The following GLIPR1L2 variants were observed in gnomAD, a reference collection of about 807,000 sequenced individuals.
The protein encoded by GLIPR1L2 is GLIPR1 like 2.
In GLIPR1L2, 21 loss-of-function variants were observed where a neutral mutation model predicts 28.4. The observed-to-expected ratio is 0.74, with a 90% CI of 0.52 to 1.06. GLIPR1L2 has a LOEUF of 1.06. Among genes scored for constraint, GLIPR1L2 ranks in the 50% least tolerant of loss-of-function variants. The pLI is 0.00. For missense variants in GLIPR1L2, 476 were observed against 416.9 expected (o/e 1.14, Z -1.23); for synonymous variants, 145 against 139.3 (o/e 1.04, Z -0.29).
At chr12:75,404,020 G>A (rs1038020758) in intron 1 of GLIPR1L2, among the ~76,000 whole-genome samples, 10 of 152,096 alleles carry the variant, frequency 6.6e-5, no homozygotes, top group Non-Finnish European at 1.0e-4. Flanking sequence ...AGCCTTAAAG[G>A]CTTTTCCATA....
intron 1 of GLIPR1L2, chr12:75,403,087 C>T (rs1466451003): frequency 2.2e-5 from 10 of 457,072 alleles, no homozygotes; most frequent in Non-Finnish European, 2.6e-5. Flanking sequence ...CCCAGGACTC[C>T]AAGTGCACCC....
At chr12:75,414,364 A>T (rs2045903717) in intron 3 of GLIPR1L2, among the ~76,000 whole-genome samples, 1 of 152,058 alleles carries the variant, frequency 6.6e-6, no homozygotes, top group South Asian at 2.1e-4. Flanking sequence ...CTTCCAAATA[A>T]GTTAGAAAAT....
At chr12:75,416,778 T>G (rs1227738435) in intron 3 of GLIPR1L2, among the ~76,000 whole-genome samples, 1 of 152,120 alleles carries the variant, frequency 6.6e-6, no homozygotes, top group African/African-American at 2.4e-5. Context: ...TTGCACAAGC[T>G]TCTTTGTCTT....
intron 1 of GLIPR1L2, among the ~76,000 whole-genome samples, chr12:75,405,008 T>C (rs1228741029): frequency 6.6e-6 from 1 of 152,192 alleles, no homozygotes; most frequent in Non-Finnish European, 1.5e-5. Context: ...CTATAAAAGC[T>C]AGTGAGATGG....
At chr12:75,411,266 C>T (rs934146822) in intron 2 of GLIPR1L2, among the ~76,000 whole-genome samples, 2 of 151,736 alleles carry the variant, frequency 1.3e-5, no homozygotes, top group Non-Finnish European at 3.0e-5. Flanking sequence ...CCTTTTCATC[C>T]ATATATTCTC....
At chr12:75,423,258 T>C in intron 4 of GLIPR1L2, 2 of 1,260,852 alleles carry the variant, frequency 1.6e-6, no homozygotes, top group Non-Finnish European at 2.0e-6. Flanking sequence ...GTTATACCCT[T>C]AAAAAGCTTC....
At chr12:75,428,454 G>A (rs578091393) in intron 4 of GLIPR1L2, among the ~76,000 whole-genome samples, 10 of 152,206 alleles carry the variant, frequency 6.6e-5, no homozygotes, top group South Asian at 4.1e-4. Flanking sequence ...TAAAACCTAC[G>A]TTTAAAAGGG....
rs949700760 is a variant in GLIPR1L2 at position 75,431,726 on chromosome 12, CTT to C, written c.*566_*567del. The C allele has an allele frequency of 6.6e-6, 1 of 151,914 alleles. No homozygotes were observed. The highest frequency in any genetic ancestry group is 2.4e-5 in the African/African-American group (1 of 41,374). The allele number at this position is 151,914 out of a possible 1,614,324, so 9.4% of individuals were successfully genotyped here. A position where few individuals can be genotyped will look rare whatever the true frequency, so the allele number is the denominator to read the frequency against. On this transcript the variant is annotated 3_prime_UTR_variant, in exon 6 of 6. Coordinates refer to ENST00000550916, the MANE Select transcript of GLIPR1L2 (RefSeq NM_001270396.2). The stretch of plus-strand genomic sequence containing the variant: ...CCTGTACATCCTGCTAGGATGCAAA[CTT>C]ATTATTTATAATTAATGTTCAATAT...
At position 75,391,112 on chromosome 12, in the gene GLIPR1L2, G is replaced by T; in HGVS notation, c.-5G>T. On this transcript the variant is annotated 5_prime_UTR_variant, in exon 1 of 6. Coordinates refer to ENST00000550916, the MANE Select transcript of GLIPR1L2 (RefSeq NM_001270396.2). Reference sequence around the variant, plus strand: ...GCGCACTGGCCTGTCAGCGGCCGGTGGACCATGGAGGCCGCAAGGCCCTTC... The same window carrying T: ...GCGCACTGGCCTGTCAGCGGCCGGTTGACCATGGAGGCCGCAAGGCCCTTC... 1 of 1,605,850 alleles carries T rather than the reference G, an allele frequency of 6.2e-7. No homozygotes were observed. The highest frequency in any genetic ancestry group is 8.5e-7 in the Non-Finnish European group (1 of 1,173,694).
At chr12:75,407,859 G>A (rs2045820206) in intron 1 of GLIPR1L2, among the ~76,000 whole-genome samples, 1 of 151,980 alleles carries the variant, frequency 6.6e-6, no homozygotes, top group African/African-American at 2.4e-5. Context: ...TAATATCTTA[G>A]TAGTTCCCTC....
At chr12:75,409,212 A>G (rs2045836350) in intron 1 of GLIPR1L2, among the ~76,000 whole-genome samples, 1 of 152,082 alleles carries the variant, frequency 6.6e-6, no homozygotes, top group East Asian at 1.9e-4. Context: ...TCCAATGTGG[A>G]CCAGGGAAGC....
chr12:75,431,344 A>G lies in GLIPR1L2; in HGVS notation c.*183A>G. The G allele has an allele frequency of 2.1e-6, 1 of 471,028 alleles. No individual in the cohort carries two copies. The highest frequency in any genetic ancestry group is 4.8e-5 in the South Asian group (1 of 20,758). The allele number at this position is 471,028 out of a possible 1,614,324, so 29.2% of individuals were successfully genotyped here. A position where few individuals can be genotyped will look rare whatever the true frequency, so the allele number is the denominator to read the frequency against. On this transcript the variant is annotated 3_prime_UTR_variant, in exon 6 of 6. Transcript: ENST00000550916. The stretch of plus-strand genomic sequence containing the variant: ...CTTATTCAATCAATTTAAATTTGTA[A>G]AACAAAGAAACAAAAAACATGTAAG...
chr12:75,429,529 G>A (rs2046068969), intron 4 of GLIPR1L2, among the ~76,000 whole-genome samples: 1 of 152,182 alleles, frequency 6.6e-6, no homozygotes, highest in Non-Finnish European at 1.5e-5. Context: ...ATGCTGGAAT[G>A]AGTTTAGACT....
At chr12:75,412,321 C>T (rs1338173077) in intron 2 of GLIPR1L2, among the ~76,000 whole-genome samples, 1 of 151,788 alleles carries the variant, frequency 6.6e-6, no homozygotes, top group African/African-American at 2.4e-5. Context: ...TCAAACAGTT[C>T]TTACAAGCTA....
intron 1 of GLIPR1L2, among the ~76,000 whole-genome samples, chr12:75,409,095 T>C (rs2045834691): frequency 6.6e-6 from 1 of 152,012 alleles, no homozygotes; most frequent in Admixed American, 6.6e-5. Flanking sequence ...CACACATTTG[T>C]AAACTTTCTT....
Position 75,410,636 on chromosome 12 carries a change from T to C in GLIPR1L2, c.437T>C (p.Phe146Ser), listed in dbSNP as rs768586832. ...SWHAEKKMYN[F>S]ENGSCSGDCS... Reference sequence around the variant, plus strand: ...CATGCAGAGAAGAAAATGTACAATTTTGAAAATGGCAGTTGCTCTGGAGAC... The same window carrying C: ...CATGCAGAGAAGAAAATGTACAATTCTGAAAATGGCAGTTGCTCTGGAGAC... Residue 146 changes from phenylalanine (F) to serine (S), a missense_variant, in exon 2 of 6, where the codon TTT becomes TCT. Coordinates refer to ENST00000550916, the MANE Select transcript of GLIPR1L2 (RefSeq NM_001270396.2). The C allele has an allele frequency of 6.2e-7, 1 of 1,611,372 alleles. No individual in the cohort carries two copies. The highest frequency in any genetic ancestry group is 8.5e-7 in the Non-Finnish European group (1 of 1,178,230).
chr12:75,422,492 C>A (rs534733114), intron 3 of GLIPR1L2, among the ~76,000 whole-genome samples: 2 of 152,174 alleles, frequency 1.3e-5, no homozygotes, highest in African/African-American at 4.8e-5. Flanking sequence ...TTGGTAGAGA[C>A]AGGGTTTCAC....
chr12:75,422,849 C>A, intron 3 of GLIPR1L2, 55 bp from the exon 4 acceptor site: 1 of 1,387,580 alleles, frequency 7.2e-7, no homozygotes, highest in Non-Finnish European at 1.0e-6. Context: ...ATTTAAATTA[C>A]ATGTAAAAAT....
Position 75,431,726 on chromosome 12 carries a change from CTTATTAT to C in GLIPR1L2, c.*570_*576del, listed in dbSNP as rs2046094604. 1 of 151,914 alleles carries C rather than the reference CTTATTAT, an allele frequency of 6.6e-6. No individual in the cohort carries two copies. The highest frequency in any genetic ancestry group is 2.4e-5 in the African/African-American group (1 of 41,374). 9.4% of individuals were successfully genotyped at this position (151,914 alleles called of 1,614,324 possible). On this transcript the variant is annotated 3_prime_UTR_variant, in exon 6 of 6. Coordinates refer to ENST00000550916, the MANE Select transcript of GLIPR1L2 (RefSeq NM_001270396.2). ...CCTGTACATCCTGCTAGGATGCAAA[CTTATTAT>C]TTATAATTAATGTTCAATATTTCAT... is the stretch of plus-strand genomic sequence containing the variant.
Sources: allele counts gnomAD v4.1 joint callset (sites outside exome capture counted in the v4.1 genomes callset), GRCh38; gene constraint gnomAD v4.1.1; transcripts MANE v1.5; gene names NCBI Gene and HGNC (gene_info 2026-07-23, HGNC 2026-07-21).